Variants in GLIS3 observed in about 807,000 individuals in gnomAD.
GLIS3 encodes zinc finger protein GLIS3.
Under a neutral mutation model 78.6 loss-of-function variants are expected in GLIS3, and 53 were observed. The ratio of observed to expected loss-of-function variants is 0.67; its 90% CI spans 0.54 to 0.85. The LOEUF is 0.85. Among genes scored for constraint, GLIS3 ranks in the 40% least tolerant of loss-of-function variants. GLIS3 has a pLI of 0.00. For missense variants in GLIS3, 1,703 were observed against 1,231.1 expected (o/e 1.38, Z -5.74); for synonymous variants, 684 against 509.9 (o/e 1.34, Z -4.60).
At chr9:4,114,970 G>A (rs984008599) in intron 4 of GLIS3, among the ~76,000 whole-genome samples, 1 of 152,192 alleles carries the variant, frequency 6.6e-6, no homozygotes, top group Non-Finnish European at 1.5e-5. Context: ...ATAAGTCCAG[G>A]GAGTTATGGT....
intron 2 of GLIS3, among the ~76,000 whole-genome samples, chr9:4,282,059 C>G (rs1383908455): frequency 1.3e-5 from 2 of 152,132 alleles, no homozygotes; most frequent in African/African-American, 2.4e-5. Flanking sequence ...TTCTCATGAG[C>G]CTTCCATCAA....
rs1026656593 is a variant in GLIS3, at chr9:4,159,073, G to A, written c.389-33132C>T. Among the ~76,000 whole-genome samples the A allele has an allele frequency of 6.8e-5, 10 of 147,686 alleles. No homozygotes were observed. In the South Asian group the frequency reaches 1.1e-3, roughly 16 times the overall value. ...AAGCCAGGCTAGCTGCAATGTACTC[G>A]GCAAGGGAGAATGTGGTACCAGATA... On this transcript the variant is annotated intron_variant, in intron 2 of 10. Transcript: ENST00000381971.
the GLIS3 span, among the ~76,000 whole-genome samples, chr9:4,381,344 A>T: frequency 2.6e-5 from 4 of 152,174 alleles, no homozygotes; most frequent in African/African-American, 9.7e-5. Context: ...TGATTATCAA[A>T]TTTTTTCACT....
intron 4 of GLIS3, among the ~76,000 whole-genome samples, chr9:4,010,940 T>C (rs1330191796): frequency 6.6e-6 from 1 of 152,172 alleles, no homozygotes; most frequent in Admixed American, 6.5e-5. Flanking sequence ...CATGCATGTG[T>C]ATGGATGTAC....
intron 2 of GLIS3, among the ~76,000 whole-genome samples, chr9:4,322,951 A>AT (rs1817555707): frequency 1.3e-5 from 2 of 152,124 alleles, no homozygotes; most frequent in African/African-American, 4.8e-5. Context: ...TTTTGTTGCC[A>AT]TTGCTTTTGG....
intron 4 of GLIS3, among the ~76,000 whole-genome samples, chr9:4,080,029 G>A (rs1828419012): frequency 6.6e-6 from 1 of 152,208 alleles, no homozygotes; most frequent in African/African-American, 2.4e-5. Flanking sequence ...TGACATACAG[G>A]ATCCATTTGG....
At chr9:4,288,494 ATT>A (rs5896059) in intron 1 of GLIS3, among the ~76,000 whole-genome samples, 1 of 151,834 alleles carries the variant, frequency 6.6e-6, no homozygotes, top group East Asian at 1.9e-4. Flanking sequence ...TAAAGGAGTC[ATT>A]TTTTTTGGCA....
At chr9:4,043,750 C>A (rs993738574) in intron 4 of GLIS3, among the ~76,000 whole-genome samples, 2 of 152,228 alleles carry the variant, frequency 1.3e-5, no homozygotes, top group African/African-American at 4.8e-5. Context: ...CTACTGGGAA[C>A]TGACCCAGTA....
At chr9:4,326,693 T>A (rs773123310) in intron 2 of GLIS3, among the ~76,000 whole-genome samples, 1 of 152,100 alleles carries the variant, frequency 6.6e-6, no homozygotes, top group Non-Finnish European at 1.5e-5. Flanking sequence ...AATAGTAAAT[T>A]TTATGTTTTA....
intron 10 of GLIS3, among the ~76,000 whole-genome samples, chr9:3,828,710 A>G (rs1435881229): frequency 1.3e-5 from 2 of 152,216 alleles, no homozygotes; most frequent in Non-Finnish European, 2.9e-5. Flanking sequence ...TTGAGTCATG[A>G]AAGAGAATGG....
At chr9:4,271,607 G>C (rs1446644446) in intron 2 of GLIS3, among the ~76,000 whole-genome samples, 1 of 152,150 alleles carries the variant, frequency 6.6e-6, no homozygotes, top group African/African-American at 2.4e-5. Context: ...ATATCTGGCT[G>C]TACACCCTCC....
At position 4,118,518 on chromosome 9, in the gene GLIS3, G is replaced by C. The variant is rs1399737296; in HGVS notation, c.960C>G (p.Ile320Met). 1.2e-6 allele frequency: 2 copies of C among 1,614,242 alleles called. No individual in the cohort carries two copies. The highest frequency in any genetic ancestry group is 1.7e-6 in the Non-Finnish European group (2 of 1,180,026). ...CCACCAAGGACGTGGGCGACGTGCGGATGATGGTATTGAAATCTATCCCGA... is the reference window on the plus strand; with the variant it reads ...CCACCAAGGACGTGGGCGACGTGCGCATGATGGTATTGAAATCTATCCCGA... ...DGIGIDFNTI[I>M]RTSPTSLVAY... The change falls in exon 4 of 11, where the codon ATC becomes ATG. Residue 320 changes from isoleucine (I) to methionine (M), a missense_variant. Ile to Met is a conservative substitution (Grantham distance 10). Coordinates refer to ENST00000381971, the MANE Select transcript of GLIS3 (RefSeq NM_001042413.2). The surrounding 1 kb of genome is among the most constrained non-coding windows in gnomAD (Gnocchi z 4.7).
Position 3,848,974 on chromosome 9 carries a change from C to T in GLIS3, c.2473+7035G>A, listed in dbSNP as rs1042218876. 3.3e-5 allele frequency among the ~76,000 whole-genome samples: 5 copies of T among 152,214 alleles called. No individual in the cohort carries two copies. The South Asian group carries it at 1.0e-3, about 32-fold the overall frequency. ...AAAGACAGCTCAGGAACCACAGGAG[C>T]CGTGAACAACAGAGGGAGGGCGCCC... On this transcript the variant is annotated intron_variant, in intron 9 of 10. Coordinates refer to ENST00000381971, the MANE Select transcript of GLIS3 (RefSeq NM_001042413.2).
At chr9:3,888,121 G>C (rs141053205) in intron 7 of GLIS3, among the ~76,000 whole-genome samples, 2 of 152,170 alleles carry the variant, frequency 1.3e-5, no homozygotes, top group African/African-American at 4.8e-5. Flanking sequence ...GGGCAGAGTG[G>C]GAAGGCAGAA....
the GLIS3 span, among the ~76,000 whole-genome samples, chr9:4,366,425 G>A: frequency 1.3e-5 from 2 of 152,070 alleles, no homozygotes; most frequent in South Asian, 2.1e-4. Context: ...AGGAAAGGAG[G>A]CCCACACCAT....
intron 4 of GLIS3, among the ~76,000 whole-genome samples, chr9:4,083,254 G>A (rs1325315313): frequency 6.6e-6 from 1 of 151,986 alleles, no homozygotes; most frequent in Non-Finnish European, 1.5e-5. Context: ...ACTAGAATTT[G>A]GGCAGCAATA....
intron 2 of GLIS3, among the ~76,000 whole-genome samples, chr9:4,246,457 G>C (rs561273612): frequency 6.6e-6 from 1 of 152,154 alleles, no homozygotes; most frequent in African/African-American, 2.4e-5. Context: ...CAACTCAAGA[G>C]GTATGGTCTT....
At position 4,077,088 on chromosome 9, in the gene GLIS3, TTTC is replaced by T. The variant is rs533551739; in HGVS notation, c.1710+40677_1710+40679del. Among the ~76,000 whole-genome samples the T allele has an allele frequency of 5.7e-3, 819 of 143,292 alleles. 6 individuals carry two copies. Among genetic ancestry groups the T allele is most frequent in the Non-Finnish European group, 9.1e-3 (616 of 67,844 alleles). 94.0% of individuals were successfully genotyped at this position (143,292 alleles called of 152,430 possible). On this transcript the variant is annotated intron_variant, in intron 4 of 10. Coordinates refer to ENST00000381971, the MANE Select transcript of GLIS3 (RefSeq NM_001042413.2). Reference sequence around the variant, plus strand: ...AACAATAACAACGATGATGTCCAATTTTCTTCTTATTTGTCATTGATATCTGCT... The same window carrying T: ...AACAATAACAACGATGATGTCCAATTTTCTTATTTGTCATTGATATCTGCT...
rs546275291 is a variant in GLIS3 at position 4,286,520 on chromosome 9, A to T, written c.-95T>A. ...ATAAGTTATCCATGGTGTGGGTTAT[A>T]AGCCTGTTTAAAAAAATAAACGCAG... is the stretch of plus-strand genomic sequence containing the variant. On this transcript the variant is annotated 5_prime_UTR_variant, in exon 2 of 11. Transcript: ENST00000381971. 9.0e-6 allele frequency: 13 copies of T among 1,448,864 alleles called. No homozygotes were observed. Among genetic ancestry groups the T allele is most frequent in the African/African-American group, 1.4e-5 (1 of 71,952 alleles). The allele number at this position is 1,448,864 out of a possible 1,614,324, so 89.8% of individuals were successfully genotyped here. A position where few individuals can be genotyped will look rare whatever the true frequency, so the allele number is the denominator to read the frequency against.
Sources: gnomAD v4.1 joint callset for allele counts (sites outside exome capture counted in the v4.1 genomes callset) on GRCh38, gnomAD v4.1.1 for gene constraint, Gnocchi (gnomAD v3.1) non-coding constraint, MANE v1.5 for transcripts, NCBI Gene and HGNC (gene_info 2026-07-23, HGNC 2026-07-21) for gene names.